Variants in SATB1 observed in about 807,000 individuals in gnomAD.
SATB1 encodes SATB homeobox 1.
In SATB1, 11 loss-of-function variants were observed where a neutral mutation model predicts 86.9. The observed-to-expected ratio is 0.13, with a 90% CI of 0.08 to 0.21. SATB1 has a LOEUF of 0.21. Ranked by LOEUF, SATB1 falls within the 10% of genes least tolerant of loss-of-function variation. The probability of loss-of-function intolerance (pLI) is 1.00; values close to 1 mark genes in which losing one functional copy is unlikely to be tolerated. For missense variants in SATB1, 551 were observed against 937.6 expected, an observed-to-expected ratio of 0.59 and a Z score of 5.39; for synonymous variants, 357 against 357.2, an observed-to-expected ratio of 1.00 and a Z score of 0.01.
upstream of SATB1, among the ~76,000 whole-genome samples, chr3:18,442,481 A>C (rs1699267418): frequency 6.6e-6 from 1 of 152,326 alleles, no homozygotes; most frequent in Non-Finnish European, 1.5e-5. Context: ...TGAAGAATAA[A>C]CATATTTGGT....
At chr3:18,384,832 T>G (rs1410183018) in intron 8 of SATB1, among the ~76,000 whole-genome samples, 1 of 152,156 alleles carries the variant, frequency 6.6e-6, no homozygotes, top group Non-Finnish European at 1.5e-5. Flanking sequence ...TTCAATAACT[T>G]TGTGTGCGTG....
chr3:18,359,175 T>C (rs1694792259), intron 9 of SATB1, among the ~76,000 whole-genome samples: 1 of 152,058 alleles, frequency 6.6e-6, no homozygotes, highest in African/African-American at 2.4e-5. Flanking sequence ...ACCTCTTCTC[T>C]ACTTTTTCAA....
chr3:18,411,979 CT>C (rs1237422951), intron 5 of SATB1, among the ~76,000 whole-genome samples: 41 of 146,368 alleles, frequency 2.8e-4, no homozygotes, highest in South Asian at 4.3e-4. Flanking sequence ...GTAAGTATTC[CT>C]TTTTTTTTTT....
At chr3:18,408,438 T>C (rs766082556) in intron 5 of SATB1, among the ~76,000 whole-genome samples, 2 of 152,126 alleles carry the variant, frequency 1.3e-5, no homozygotes, top group Admixed American at 1.3e-4. Context: ...CAATTCCTAA[T>C]AGAATCATTT....
At chr3:18,370,540 G>GAAAAAAAA (rs1559407474) in intron 9 of SATB1, among the ~76,000 whole-genome samples, 1 of 88,178 alleles carries the variant, frequency 1.1e-5, no homozygotes, top group Admixed American at 1.1e-4. Flanking sequence ...AAAAAAAGAG[G>GAAAAAAAA]AAAAACAAAA....
chr3:18,401,544 T>C (rs1175204610), intron 5 of SATB1, among the ~76,000 whole-genome samples: 1 of 152,158 alleles, frequency 6.6e-6, no homozygotes, highest in East Asian at 1.9e-4. Flanking sequence ...GCAAGTTTCC[T>C]ATTCAGTGGC....
chr3:18,367,367 AAAACAAC>A (rs1478921314), intron 9 of SATB1, among the ~76,000 whole-genome samples: 1 of 152,230 alleles, frequency 6.6e-6, no homozygotes, highest in Non-Finnish European at 1.5e-5. Context: ...GGTCCAGAAG[AAAACAAC>A]AAAGAACATT....
At chr3:18,428,303 C>T (rs115399775), upstream of SATB1, among the ~76,000 whole-genome samples, 842 of 152,220 alleles carry the variant, frequency 5.5e-3, 12 homozygotes, top group African/African-American at 0.019. Flanking sequence ...CCAACAGTCC[C>T]ACTCCCATGA....
chr3:18,397,743 G>A (rs781772883), intron 5 of SATB1, among the ~76,000 whole-genome samples: 16 of 152,196 alleles, frequency 1.1e-4, no homozygotes, highest in Non-Finnish European at 2.2e-4. Context: ...AAGCTTGTTA[G>A]AAATGCAGAA....
rs1043796609 is a variant in SATB1, at chr3:18,435,046, C to G, written c.-25+1743G>C. 2.0e-5 allele frequency: 3 copies of G among 152,038 alleles called. No individual in the cohort carries two copies. In the East Asian group the frequency reaches 5.8e-4, roughly 29 times the overall value. The allele number at this position is 152,038 out of a possible 1,614,324, so 9.4% of individuals were successfully genotyped here. The stretch of plus-strand genomic sequence containing the variant: ...ACTAAAGTAGACTGCATTTCAGAAA[C>G]GGCATGGGGCAGAATACCAATATTT... On this transcript the variant is annotated intron_variant, in intron 2 of 3. Coordinates refer to the SATB1 transcript ENST00000414509.
In SATB1 at chr3:18,444,805, G is replaced by A. The variant is rs1303236053; in HGVS notation, c.-25+713C>T. ...TTCAAGTTGTCCTCTTTCCCCATAC[G>A]AAGTGGGCGTTTAAAGGGGAGAGCG... On this transcript the variant is annotated intron_variant, in intron 1 of 3. Coordinates refer to the SATB1 transcript ENST00000415069. This position sits in a 1 kb window ranked among gnomAD's most constrained non-coding sequence, Gnocchi z 5.1. The A allele has an allele frequency of 5.3e-5, 14 of 262,000 alleles. No homozygotes were observed. Among genetic ancestry groups the A allele is most frequent in the Non-Finnish European group, 8.2e-5 (14 of 169,718 alleles). 16.2% of individuals were successfully genotyped at this position (262,000 alleles called of 1,614,324 possible). A position where few individuals can be genotyped will look rare whatever the true frequency, so the allele number is the denominator to read the frequency against.
At chr3:18,436,327 G>C (rs1699059177) in intron 2 of SATB1, among the ~76,000 whole-genome samples, 1 of 152,092 alleles carries the variant, frequency 6.6e-6, no homozygotes, top group Admixed American at 6.5e-5. Context: ...TTTGGTTCTG[G>C]AATATCAGAA....
At chr3:18,359,480 C>CA (rs34750136) in intron 9 of SATB1, among the ~76,000 whole-genome samples, 3 of 151,480 alleles carry the variant, frequency 2.0e-5, no homozygotes, top group Non-Finnish European at 4.4e-5. Flanking sequence ...AGAATTTCCC[C>CA]AAAAAAAGGT....
chr3:18,418,701 T>C (rs1393517794), intron 2 of SATB1, among the ~76,000 whole-genome samples: 1 of 152,162 alleles, frequency 6.6e-6, no homozygotes, highest in Admixed American at 6.5e-5. Flanking sequence ...TTTTTCTTAG[T>C]AGTGTTTTCT....
At position 18,386,409 on chromosome 3, in the gene SATB1, C is replaced by T. The variant is rs1220950401; in HGVS notation, c.1409G>A (p.Arg470His). 2.5e-6 allele frequency: 4 copies of T among 1,613,238 alleles called. No homozygotes were observed. Among genetic ancestry groups the T allele is most frequent in the African/African-American group, 1.3e-5 (1 of 74,868 alleles). Residue 470 changes from arginine to histidine, a missense_variant, in exon 8 of 11, where the codon CGT becomes CAT. By Grantham distance (29) the Arg-to-His change is conservative (BLOSUM62 0). Around this residue, in one of 8 missense-constraint regions of SATB1, gnomAD observed 110 missense variants for 212.2 expected, o/e 0.52. Coordinates refer to ENST00000338745, the MANE Select transcript of SATB1 (RefSeq NM_002971.6). The surrounding 1 kb of genome is among the most constrained non-coding windows in gnomAD (Gnocchi z 4.5). ...AAAAGGAGACCGCACCTGGGGAGGA[C>T]GGCTGGGTGGTGTGCTGATGAGGGG... ...PAPLISTPPS[R>H]PPQVKTATIA... is the part of the protein sequence containing the mutation.
upstream of SATB1, among the ~76,000 whole-genome samples, chr3:18,430,246 G>A (rs1173329729): frequency 6.6e-6 from 1 of 152,176 alleles, no homozygotes; most frequent in Non-Finnish European, 1.5e-5. Context: ...GACCTGGCCA[G>A]GAGGAGTCTT....
At chr3:18,425,837 C>T (rs1289432795), upstream of SATB1, among the ~76,000 whole-genome samples, 1 of 96,678 alleles carries the variant, frequency 1.0e-5, no homozygotes, top group African/African-American at 4.3e-5. Context: ...GCAGGACGGG[C>T]AGGACGGGCA....
chr3:18,429,216 C>T (rs1444996524), upstream of SATB1, among the ~76,000 whole-genome samples: 1 of 152,150 alleles, frequency 6.6e-6, no homozygotes, highest in African/African-American at 2.4e-5. The surrounding 1 kb of genome is among the most constrained non-coding windows in gnomAD (Gnocchi z 4.1). Context: ...GTTTTGCTGT[C>T]ATGTGTCTCA....
intron 8 of SATB1, among the ~76,000 whole-genome samples, chr3:18,385,626 A>AC (rs1455894983): frequency 1.9e-5 from 1 of 52,656 alleles, no homozygotes; most frequent in Non-Finnish European, 3.9e-5. Flanking sequence ...CCATCTCAAA[A>AC]GAAAAAAAAA....
Sources: gnomAD v4.1 joint callset for allele counts (sites outside exome capture counted in the v4.1 genomes callset) on GRCh38, gnomAD v4.1.1 for gene constraint, gnomAD v4.1.1 regional missense constraint, Gnocchi (gnomAD v3.1) non-coding constraint, MANE v1.5 for transcripts, NCBI Gene and HGNC (gene_info 2026-07-23, HGNC 2026-07-21) for gene names.